The following PDSS2 variants were observed in gnomAD, a reference collection of about 807,000 sequenced individuals.
PDSS2 encodes decaprenyl diphosphate synthase subunit 2, also known as all trans-polyprenyl-diphosphate synthase PDSS2.
In PDSS2, 31 loss-of-function variants were observed where a neutral mutation model predicts 44.5. The observed-to-expected ratio is 0.70, with a 90% CI of 0.52 to 0.94. The LOEUF is 0.94. Among genes scored for constraint, PDSS2 ranks in the 40% least tolerant of loss-of-function variants. The pLI is 0.00. For missense variants in PDSS2, 452 were observed against 482.2 expected, an observed-to-expected ratio of 0.94 and a Z score of 0.59; for synonymous variants, 157 against 180.3, an observed-to-expected ratio of 0.87 and a Z score of 1.03.
intron 3 of PDSS2, among the ~76,000 whole-genome samples, chr6:107,262,343 T>C (rs1313184853): frequency 6.6e-6 from 1 of 152,182 alleles, no homozygotes; most frequent in East Asian, 1.9e-4. Context: ...CTATTCTTTC[T>C]CCTTTTACTT....
intron 7 of PDSS2, among the ~76,000 whole-genome samples, chr6:107,172,315 G>A (rs556932648): frequency 6.6e-6 from 1 of 152,294 alleles, no homozygotes; most frequent in Non-Finnish European, 1.5e-5. Context: ...TAAAGAGAAG[G>A]CCCCGGCATG....
intron 7 of PDSS2, among the ~76,000 whole-genome samples, chr6:107,166,130 C>G (rs1554247483): frequency 6.6e-6 from 1 of 152,024 alleles, no homozygotes; most frequent in Admixed American, 6.6e-5. Flanking sequence ...ATTTGACTTC[C>G]TCTTTTCCTA....
intron 7 of PDSS2, among the ~76,000 whole-genome samples, chr6:107,166,907 A>G (rs1302582378): frequency 3.9e-5 from 6 of 152,168 alleles, no homozygotes; most frequent in African/African-American, 1.2e-4. Flanking sequence ...TTTTGCATCA[A>G]TGTTCATCAG....
At chr6:107,456,046 G>A (rs1243226343) in intron 1 of PDSS2, among the ~76,000 whole-genome samples, 2 of 152,152 alleles carry the variant, frequency 1.3e-5, no homozygotes, top group Admixed American at 1.3e-4. Context: ...TGTGAGGCCC[G>A]GCGTGGTGGC....
intron 4 of PDSS2, among the ~76,000 whole-genome samples, chr6:107,227,098 G>C (rs920734462): frequency 1.3e-5 from 2 of 151,678 alleles, no homozygotes; most frequent in African/African-American, 4.9e-5. Context: ...TCCTGCCTCG[G>C]CCTCTCAAGT....
At chr6:107,284,355 A>G (rs1177067214) in intron 2 of PDSS2, among the ~76,000 whole-genome samples, 1 of 152,052 alleles carries the variant, frequency 6.6e-6, no homozygotes, top group Non-Finnish European at 1.5e-5. Context: ...TGGACCCAAC[A>G]TCCAGCTTTA....
At chr6:107,289,192 G>A (rs1403921170) in intron 2 of PDSS2, among the ~76,000 whole-genome samples, 1 of 151,252 alleles carries the variant, frequency 6.6e-6, no homozygotes, top group African/African-American at 2.4e-5. Flanking sequence ...GGCCAACATG[G>A]TGAAACCCCA....
chr6:107,204,722 C>T (rs1343051826), intron 6 of PDSS2, among the ~76,000 whole-genome samples: 1 of 152,298 alleles, frequency 6.6e-6, no homozygotes, highest in Non-Finnish European at 1.5e-5. Flanking sequence ...CATCAATTGT[C>T]TTTCCTCTAT....
chr6:107,318,490 T>C (rs1441828826), intron 2 of PDSS2, among the ~76,000 whole-genome samples: 2 of 152,114 alleles, frequency 1.3e-5, no homozygotes, highest in African/African-American at 4.8e-5. Flanking sequence ...TATAAGTCTG[T>C]TGTAATGGTT....
intron 7 of PDSS2, among the ~76,000 whole-genome samples, chr6:107,174,408 C>G (rs1212303650): frequency 6.6e-6 from 1 of 152,054 alleles, no homozygotes; most frequent in Non-Finnish European, 1.5e-5. Flanking sequence ...GCTGTGGGTT[C>G]CCTATTATTG....
chr6:107,207,825 G>T (rs1452316433), intron 6 of PDSS2, among the ~76,000 whole-genome samples: 1 of 151,398 alleles, frequency 6.6e-6, no homozygotes, highest in African/African-American at 2.4e-5. Flanking sequence ...GGCCAGGCTG[G>T]TCTCAAACTC....
intron 1 of PDSS2, among the ~76,000 whole-genome samples, chr6:107,338,462 A>C (rs999718749): frequency 2.0e-5 from 3 of 152,216 alleles, no homozygotes; most frequent in Non-Finnish European, 4.4e-5. Flanking sequence ...CAGACAGTGG[A>C]GAATATGATG....
chr6:107,422,028 T>C (rs1034453020), intron 1 of PDSS2, among the ~76,000 whole-genome samples: 2 of 150,912 alleles, frequency 1.3e-5, no homozygotes, highest in African/African-American at 4.9e-5. Flanking sequence ...TCAGTAATTA[T>C]TTCAAAATAA....
intron 1 of PDSS2, among the ~76,000 whole-genome samples, chr6:107,342,523 C>T (rs1162394943): frequency 6.6e-6 from 1 of 152,092 alleles, no homozygotes; most frequent in Non-Finnish European, 1.5e-5. Flanking sequence ...ATCAAAGGGT[C>T]TATTTAAGTT....
intron 4 of PDSS2, among the ~76,000 whole-genome samples, chr6:107,237,987 T>TAA (rs1279687835): frequency 6.6e-6 from 1 of 151,022 alleles, no homozygotes; most frequent in East Asian, 2.0e-4. Context: ...TTCATCATTA[T>TAA]AATCCACTGA....
chr6:107,166,979 A>AT (rs1191421868), intron 7 of PDSS2, among the ~76,000 whole-genome samples: 1 of 152,290 alleles, frequency 6.6e-6, no homozygotes, highest in Non-Finnish European at 1.5e-5. Context: ...TATCAGGATA[A>AT]TGCTGGCCTC....
intron 4 of PDSS2, among the ~76,000 whole-genome samples, chr6:107,220,651 A>G (rs1051123390): frequency 6.6e-6 from 1 of 152,134 alleles, no homozygotes; most frequent in Non-Finnish European, 1.5e-5. Context: ...ATTATTCATC[A>G]TTTCTACATT....
At chr6:107,317,030 G>A (rs1473599611) in intron 2 of PDSS2, among the ~76,000 whole-genome samples, 1 of 152,100 alleles carries the variant, frequency 6.6e-6, no homozygotes, top group Admixed American at 6.6e-5. Flanking sequence ...GCCCCATGCT[G>A]GTCACTACTG....
At chr6:107,358,231 G>A (rs1160813490) in intron 1 of PDSS2, among the ~76,000 whole-genome samples, 1 of 152,058 alleles carries the variant, frequency 6.6e-6, no homozygotes, top group East Asian at 1.9e-4. Flanking sequence ...TTAGACTTGG[G>A]TCACATTCCC....
Sources: allele counts gnomAD v4.1 joint callset (sites outside exome capture counted in the v4.1 genomes callset), GRCh38; gene constraint gnomAD v4.1.1; transcripts MANE v1.5; gene names NCBI Gene and HGNC (gene_info 2026-07-23, HGNC 2026-07-21).